Variants in PDE11A observed in about 807,000 individuals in gnomAD.
The protein encoded by PDE11A is phosphodiesterase 11A.
In PDE11A, 100 loss-of-function variants were observed where a neutral mutation model predicts 100.5. The observed-to-expected ratio is 1.00, with a 90% CI of 0.85 to 1.18. PDE11A has a LOEUF of 1.18. PDE11A is among the 50% of genes most tolerant of loss of function. PDE11A has a pLI of 0.00. For missense variants in PDE11A, 1,141 were observed against 1,152.6 expected, an observed-to-expected ratio of 0.99 and a Z score of 0.15; for synonymous variants, 381 against 420.8, an observed-to-expected ratio of 0.91 and a Z score of 1.16.
intron 2 of PDE11A, chr2:178,104,275 T>G: frequency 6.2e-7 from 1 of 1,601,708 alleles, no homozygotes; most frequent in Non-Finnish European, 8.6e-7. Flanking sequence ...GTGTATCTGG[T>G]TCTCTCCCAC....
exon 1 of PDE11A, chr2:178,108,288 A>G (rs913869013): frequency 1.3e-5 from 2 of 152,278 alleles, no homozygotes; most frequent in African/African-American, 2.4e-5. Flanking sequence ...CCACGCCTCA[A>G]CTTCGAGGCT....
intron 2 of PDE11A, among the ~76,000 whole-genome samples, chr2:177,951,717 C>T (rs1344434193): frequency 6.6e-6 from 1 of 152,132 alleles, no homozygotes; most frequent in East Asian, 1.9e-4. Context: ...GAATTCTGAG[C>T]ATTATGGAAG....
intron 2 of PDE11A, chr2:177,997,429 A>G: frequency 1.2e-6 from 1 of 828,176 alleles, no homozygotes; most frequent in South Asian, 1.3e-5. Flanking sequence ...CCTTTTATAC[A>G]GGTTTCCAGG....
intron 2 of PDE11A, among the ~76,000 whole-genome samples, chr2:177,940,211 T>A (rs757934073): frequency 2.0e-5 from 3 of 152,190 alleles, no homozygotes; most frequent in Non-Finnish European, 4.4e-5. Context: ...GATGAAGCTT[T>A]CCATAATTTT....
Position 177,631,548 on chromosome 2 carries a change from C to CACATGTATATATATATATAT in PDE11A, c.2647-2006_2647-1987dup. Among the ~76,000 whole-genome samples the CACATGTATATATATATATAT allele has an allele frequency of 3.9e-4, 2 of 5,068 alleles. 1 individual carries two copies. The highest frequency in any genetic ancestry group is 7.1e-4 in the African/African-American group (2 of 2,834). The allele number at this position is 5,068 out of a possible 152,430, so 3.3% of individuals were successfully genotyped here. A position where few individuals can be genotyped will look rare whatever the true frequency, so the allele number is the denominator to read the frequency against. On this transcript the variant is annotated intron_variant, in intron 19 of 19. Transcript: ENST00000286063. ...ATATATATATATATATATATATATA[C>CACATGTATATATATATATAT]ACATGTATATATATATATATACATG...
At chr2:177,696,303 G>A (rs149724925) in intron 15 of PDE11A, among the ~76,000 whole-genome samples, 33 of 152,108 alleles carry the variant, frequency 2.2e-4, no homozygotes, top group African/African-American at 7.0e-4. Context: ...GAGGCCAGGG[G>A]AGTGGTCTGA....
chr2:177,936,073 G>T (rs558171191), intron 2 of PDE11A, among the ~76,000 whole-genome samples: 2 of 152,120 alleles, frequency 1.3e-5, no homozygotes, highest in African/African-American at 4.8e-5. Context: ...TTAACCTACC[G>T]TCTTAGGGAA....
At chr2:178,105,775 T>G (rs1345908009) in intron 1 of PDE11A, 1 of 1,024,644 alleles carries the variant, frequency 9.8e-7, no homozygotes, top group East Asian at 3.3e-5. Flanking sequence ...GCCAGATCAC[T>G]TCCTCCACCC....
intron 2 of PDE11A, among the ~76,000 whole-genome samples, chr2:177,945,429 G>C (rs1320913528): frequency 2.1e-5 from 3 of 140,182 alleles, no homozygotes; most frequent in Non-Finnish European, 4.7e-5. Context: ...GTCTCTGCCC[G>C]GCCGCCCATC....
rs532995269 is a variant in PDE11A, at chr2:178,071,917, G to T, written c.521C>A (p.Ala174Glu). 4.3e-6 allele frequency: 7 copies of T among 1,613,654 alleles called. No homozygotes were observed. The highest frequency in any genetic ancestry group is 1.7e-5 in the Admixed American group (1 of 60,026). ...LPPTTAHILSALLESRVNLPR... is the reference protein window; with the variant it reads ...LPPTTAHILSELLESRVNLPR... ...CAGATTCACTCTCGATTCCAGCAGC[G>T]CACTGAGAATATGGGCTGTGGTGGG... The change falls in exon 1 of 20, where the codon GCG becomes GAG. Residue 174 changes from alanine (A) to glutamate (E), a missense_variant. Physicochemically the swap from Ala to Glu is moderately radical, Grantham distance 107. Coordinates refer to ENST00000286063, the MANE Select transcript of PDE11A (RefSeq NM_016953.4).
intron 12 of PDE11A, among the ~76,000 whole-genome samples, chr2:177,726,908 C>A (rs1223910601): frequency 6.6e-6 from 1 of 151,598 alleles, no homozygotes; most frequent in Non-Finnish European, 1.5e-5. Flanking sequence ...GCCAAAGAAA[C>A]CAACATATTT....
intron 2 of PDE11A, among the ~76,000 whole-genome samples, chr2:177,906,998 TCA>T (rs2084800045): frequency 6.6e-6 from 1 of 152,178 alleles, no homozygotes; most frequent in Non-Finnish European, 1.5e-5. Context: ...ATTTTTGCCT[TCA>T]GGGGACAAAT....
intron 9 of PDE11A, among the ~76,000 whole-genome samples, chr2:177,770,503 G>C (rs769115179): frequency 1.3e-5 from 2 of 152,196 alleles, no homozygotes; most frequent in African/African-American, 4.8e-5. Flanking sequence ...TTTATGACAC[G>C]GCCTTGGTCA....
chr2:177,859,925 A>G (rs368381468), intron 5 of PDE11A, among the ~76,000 whole-genome samples: 1 of 151,920 alleles, frequency 6.6e-6, no homozygotes, highest in African/African-American at 2.4e-5. Flanking sequence ...ACAAAATAAA[A>G]CATACCAAAA....
Position 177,629,069 on chromosome 2 carries a change from G to A in PDE11A, c.*338C>T, listed in dbSNP as rs1340057724. 1 of 374,262 alleles carries A rather than the reference G, an allele frequency of 2.7e-6. No homozygotes were observed. The highest frequency in any genetic ancestry group is 2.5e-5 in the South Asian group (1 of 40,142). 23.2% of individuals were successfully genotyped at this position (374,262 alleles called of 1,614,324 possible). ...AAGCAGCGCTAATGACGCTTTTACT[G>A]TTCAGTGTTCCCTCAGCTCAGAGTA... On this transcript the variant is annotated 3_prime_UTR_variant, in exon 20 of 20. Transcript: ENST00000286063.
intron 17 of PDE11A, among the ~76,000 whole-genome samples, chr2:177,675,161 A>G (rs942784303): frequency 2.0e-5 from 3 of 151,912 alleles, no homozygotes; most frequent in East Asian, 3.8e-4. Context: ...CAAAAATCCT[A>G]TCTTTGAAAC....
At chr2:177,665,398 T>G (rs998817758) in intron 18 of PDE11A, among the ~76,000 whole-genome samples, 6 of 151,114 alleles carry the variant, frequency 4.0e-5, no homozygotes, top group Non-Finnish European at 5.9e-5. Flanking sequence ...AAGGATTGCT[T>G]AAGCCCAAGA....
chr2:178,074,793 C>T (rs933880703), upstream of PDE11A, among the ~76,000 whole-genome samples: 14 of 152,154 alleles, frequency 9.2e-5, no homozygotes, highest in Non-Finnish European at 1.8e-4. Flanking sequence ...TGCAACATTT[C>T]GAGCTGCGTT....
At chr2:178,067,431 A>G (rs1254649675) in intron 1 of PDE11A, among the ~76,000 whole-genome samples, 2 of 152,072 alleles carry the variant, frequency 1.3e-5, no homozygotes, top group Non-Finnish European at 2.9e-5. Context: ...TGTCATATAT[A>G]TGCAATATGC....
Sources: allele counts gnomAD v4.1 joint callset (sites outside exome capture counted in the v4.1 genomes callset), GRCh38; gene constraint gnomAD v4.1.1; transcripts MANE v1.5; gene names NCBI Gene and HGNC (gene_info 2026-07-23, HGNC 2026-07-21).